LYPD6B: variants seen among roughly 807,000 people sequenced by gnomAD.
LYPD6B encodes the protein ly6/PLAUR domain-containing protein 6B.
Under a neutral mutation model 22.8 loss-of-function variants are expected in LYPD6B, and 17 were observed. That is an observed-to-expected ratio of 0.75 (90% CI 0.51 to 1.12). LYPD6B has a LOEUF of 1.12. Among genes scored for constraint, LYPD6B ranks in the 50% most tolerant of loss-of-function variants. The pLI, the probability that LYPD6B is intolerant of heterozygous loss-of-function variation, is 0.00. For synonymous variants in LYPD6B, 106 were observed against 91.6 expected, an observed-to-expected ratio of 1.16 and a Z score of -0.90; for missense variants, 221 against 258.3, an observed-to-expected ratio of 0.86 and a Z score of 0.99.
At position 149,093,071 on chromosome 2, in the gene LYPD6B, A is replaced by C. The variant is rs1345149611; in HGVS notation, c.-66-37812A>C. Among the ~76,000 whole-genome samples, 4 of 152,108 alleles carry C rather than the reference A, an allele frequency of 2.6e-5. No individual in the cohort carries two copies. The East Asian group carries it at 7.7e-4, about 29-fold the overall frequency. ...AACAGTATTCTGAGAAGAGCTATAG[A>C]TGCTTAAGGGCTGTTTGACCTGGAA... On this transcript the variant is annotated intron_variant, in intron 1 of 6. Coordinates refer to ENST00000409642, the MANE Select transcript of LYPD6B (RefSeq NM_177964.5).
intron 3 of LYPD6B, among the ~76,000 whole-genome samples, chr2:149,193,491 C>A (rs1575157870): frequency 6.6e-6 from 1 of 151,694 alleles, no homozygotes; most frequent in South Asian, 2.1e-4. Context: ...TTTGAGGTGA[C>A]CTTGAGTGAG....
chr2:149,066,887 G>A (rs1421946185), intron 1 of LYPD6B, among the ~76,000 whole-genome samples: 5 of 151,986 alleles, frequency 3.3e-5, no homozygotes, highest in Admixed American at 3.3e-4. Context: ...GCTGAGGTTT[G>A]GGGTACAATT....
chr2:149,143,069 C>T (rs1688790213), intron 2 of LYPD6B, among the ~76,000 whole-genome samples: 1 of 152,190 alleles, frequency 6.6e-6, no homozygotes, highest in South Asian at 2.1e-4. Context: ...AATAATGATA[C>T]ATTATTATTA....
intron 1 of LYPD6B, among the ~76,000 whole-genome samples, chr2:149,079,710 A>G (rs1369499229): frequency 6.6e-6 from 1 of 152,080 alleles, no homozygotes; most frequent in African/African-American, 2.4e-5. Flanking sequence ...TTACAAGTCT[A>G]TGGGGGAAGG....
At chr2:149,051,351 G>T (rs998942401) in intron 1 of LYPD6B, among the ~76,000 whole-genome samples, 2 of 151,524 alleles carry the variant, frequency 1.3e-5, no homozygotes, top group African/African-American at 2.4e-5. Context: ...TTTTTTAGTA[G>T]AGATGGGGTT....
chr2:149,137,641 A>G (rs7607297), intron 2 of LYPD6B, among the ~76,000 whole-genome samples: 39,388 of 152,148 alleles, frequency 0.26, 5,992 homozygotes, highest in East Asian at 0.54. Context: ...TGAAACAATC[A>G]TTATAGTTCT....
At chr2:149,068,588 T>C (rs1684449173) in intron 1 of LYPD6B, 2 of 393,882 alleles carry the variant, frequency 5.1e-6, no homozygotes, top group Admixed American at 3.1e-5. Flanking sequence ...TCAGAAAACA[T>C]GATTAGACTA....
chr2:149,075,316 G>A (rs1488190104), intron 1 of LYPD6B, among the ~76,000 whole-genome samples: 1 of 152,172 alleles, frequency 6.6e-6, no homozygotes, highest in African/African-American at 2.4e-5. Context: ...ATAGAAAAAT[G>A]TAGACACAGA....
chr2:149,080,001 G>A (rs746074085), intron 1 of LYPD6B, among the ~76,000 whole-genome samples: 3 of 152,114 alleles, frequency 2.0e-5, no homozygotes, highest in Non-Finnish European at 4.4e-5. Context: ...GGATAGCACC[G>A]CTTTGTTTAC....
intron 2 of LYPD6B, among the ~76,000 whole-genome samples, chr2:149,149,240 T>C (rs537445711): frequency 6.6e-6 from 1 of 152,298 alleles, no homozygotes; most frequent in South Asian, 2.1e-4. Context: ...AACTTGAACA[T>C]TTATGTGTCT....
At chr2:149,191,722 ATT>A (rs1017617270) in intron 3 of LYPD6B, among the ~76,000 whole-genome samples, 1 of 152,234 alleles carries the variant, frequency 6.6e-6, no homozygotes, top group African/African-American at 2.4e-5. Context: ...AGGCCTGGTG[ATT>A]TAGAAACTGG....
chr2:149,159,589 CGTGTGTGT>C (rs60129822), intron 2 of LYPD6B, among the ~76,000 whole-genome samples: 2,060 of 145,820 alleles, frequency 0.014, 38 homozygotes, highest in African/African-American at 0.048. Context: ...CATATGTGTG[CGTGTGTGT>C]GTGTGTGTGT....
chr2:149,069,636 A>G (rs1684505350), intron 1 of LYPD6B, among the ~76,000 whole-genome samples: 1 of 149,876 alleles, frequency 6.7e-6, no homozygotes, highest in Non-Finnish European at 1.5e-5. Context: ...AAGACTTTGA[A>G]GCATTGCCAC....
chr2:149,162,793 G>A (rs1464719050), intron 3 of LYPD6B, among the ~76,000 whole-genome samples: 2 of 151,914 alleles, frequency 1.3e-5, no homozygotes, highest in Non-Finnish European at 2.9e-5. Flanking sequence ...AACTTTAAAC[G>A]TAACCAAGTC....
intron 3 of LYPD6B, among the ~76,000 whole-genome samples, chr2:149,171,952 G>T (rs756203480): frequency 1.4e-5 from 2 of 142,388 alleles, no homozygotes; most frequent in Non-Finnish European, 3.2e-5. Flanking sequence ...TCTACCCTCT[G>T]CCCTTTTGGC....
intron 3 of LYPD6B, among the ~76,000 whole-genome samples, chr2:149,173,189 T>TAAA (rs1215038105): frequency 2.1e-5 from 3 of 144,112 alleles, no homozygotes; most frequent in Non-Finnish European, 4.6e-5. Context: ...TTTTTTTTTT[T>TAAA]AAAAAAAGAC....
intron 1 of LYPD6B, among the ~76,000 whole-genome samples, chr2:149,121,913 T>G (rs1687381835): frequency 6.6e-6 from 1 of 152,106 alleles, no homozygotes; most frequent in African/African-American, 2.4e-5. Flanking sequence ...TGGTGCTGCC[T>G]TCAGGAGTCA....
chr2:149,195,113 A>T (rs1692723709), intron 3 of LYPD6B, among the ~76,000 whole-genome samples: 1 of 152,064 alleles, frequency 6.6e-6, no homozygotes, highest in African/African-American at 2.4e-5. Flanking sequence ...AAAAAAGGTG[A>T]AAAGTCATTT....
chr2:149,180,900 C>T (rs1691672279), intron 3 of LYPD6B, among the ~76,000 whole-genome samples: 1 of 152,232 alleles, frequency 6.6e-6, no homozygotes, highest in African/African-American at 2.4e-5. Context: ...CAGTGGGCCT[C>T]ACCTGCTCTG....
Sources: gnomAD v4.1 joint callset for allele counts (sites outside exome capture counted in the v4.1 genomes callset) on GRCh38, gnomAD v4.1.1 for gene constraint, MANE v1.5 for transcripts, NCBI Gene and HGNC (gene_info 2026-07-23, HGNC 2026-07-21) for gene names.